MYO3B: variants seen among roughly 807,000 people sequenced by gnomAD.
MYO3B encodes the protein myosin-IIIb.
In MYO3B, 156 loss-of-function variants were observed where a neutral mutation model predicts 174.6. The ratio of observed to expected loss-of-function variants is 0.89; its 90% CI spans 0.78 to 1.02. The LOEUF (loss-of-function observed/expected upper bound fraction) is 1.02, where lower values mean the gene tolerates loss of function less well. Among genes scored for constraint, MYO3B ranks in the 50% least tolerant of loss-of-function variants. The probability of loss-of-function intolerance (pLI) is 0.00; values close to 1 mark genes in which losing one functional copy is unlikely to be tolerated. For synonymous variants in MYO3B, 563 were observed against 569.1 expected (o/e 0.99, Z 0.15); for missense variants, 1,632 against 1,639.4 (o/e 1.00, Z 0.08).
chr2:170,255,678 G>A (rs1169677656), intron 7 of MYO3B, among the ~76,000 whole-genome samples: 2 of 151,974 alleles, frequency 1.3e-5, no homozygotes, highest in African/African-American at 2.4e-5. Flanking sequence ...AAGTCAAAAA[G>A]AAAAACACCA....
intron 7 of MYO3B, among the ~76,000 whole-genome samples, chr2:170,287,610 T>A: frequency 6.6e-6 from 1 of 152,094 alleles, no homozygotes; most frequent in East Asian, 1.9e-4. Flanking sequence ...TTGTTTGAGC[T>A]CCTTATATAT....
chr2:170,336,829 A>T (rs780104625), intron 8 of MYO3B, among the ~76,000 whole-genome samples: 5 of 152,058 alleles, frequency 3.3e-5, no homozygotes, highest in Admixed American at 1.3e-4. Flanking sequence ...TTTCATTTTC[A>T]TTTCAAATGT....
intron 14 of MYO3B, 27 bp from the exon 15 acceptor site, chr2:170,391,493 T>A: frequency 8.6e-7 from 1 of 1,161,404 alleles, no homozygotes; most frequent in Non-Finnish European, 1.2e-6. Context: ...CAGAATATAT[T>A]ATTACTAAAG....
At chr2:170,263,692 A>G (rs2093361729) in intron 7 of MYO3B, among the ~76,000 whole-genome samples, 2 of 152,116 alleles carry the variant, frequency 1.3e-5, no homozygotes, top group South Asian at 4.2e-4. Flanking sequence ...CTCCTATCTC[A>G]GTAAATAGAA....
At chr2:170,297,080 A>G (rs1179716800) in intron 7 of MYO3B, among the ~76,000 whole-genome samples, 3 of 152,190 alleles carry the variant, frequency 2.0e-5, no homozygotes, top group Non-Finnish European at 4.4e-5. Context: ...TCTCCTTCAC[A>G]TATTGAATAA....
rs189722929 is a variant in MYO3B, at chr2:170,325,326, G to A, written c.750-10059G>A. 5.0e-4 allele frequency among the ~76,000 whole-genome samples: 76 copies of A among 152,038 alleles called. No homozygotes were observed. The East Asian group carries it at 7.4e-3, about 15-fold the overall frequency. On this transcript the variant is annotated intron_variant, in intron 7 of 34. Coordinates refer to ENST00000408978, the MANE Select transcript of MYO3B (RefSeq NM_138995.5). ...AGGTTCAAGCAATTCTCCTGCTTCA[G>A]CCTCCCAAGTAGCTGGGATTACAGG...
chr2:170,279,463 TAA>T lies in MYO3B; in HGVS notation c.749+43337_749+43338del, dbSNP rs143714663. On this transcript the variant is annotated intron_variant, in intron 7 of 34. Transcript: ENST00000408978. ...TGTCTGTCTTTATCCTTTGTCCACT[TAA>T]AAAAAAAAACTTTTAGGTTCAGGGG... Among the ~76,000 whole-genome samples, 191 of 148,996 alleles carry T rather than the reference TAA, an allele frequency of 1.3e-3. 3 individuals are homozygous for T. The highest frequency in any genetic ancestry group is 4.5e-3 in the African/African-American group (183 of 40,762).
chr2:170,510,708 G>A (rs1347740759), intron 28 of MYO3B, among the ~76,000 whole-genome samples: 1 of 150,916 alleles, frequency 6.6e-6, no homozygotes, highest in East Asian at 2.0e-4. Flanking sequence ...GTTCCCTTAT[G>A]CCCTTCTTGA....
intron 22 of MYO3B, among the ~76,000 whole-genome samples, chr2:170,412,591 C>G (rs139601870): frequency 0.013 from 2,037 of 152,304 alleles, 66 homozygotes; most frequent in African/African-American, 0.046. Context: ...ATTGTCATAT[C>G]TGTAAAGCAC....
At chr2:170,262,846 G>A (rs949998640) in intron 7 of MYO3B, among the ~76,000 whole-genome samples, 1 of 152,136 alleles carries the variant, frequency 6.6e-6, no homozygotes, top group Admixed American at 6.5e-5. Flanking sequence ...AAGAGCCTTT[G>A]AAGTCTAGGA....
chr2:170,414,250 C>T (rs140662270), intron 22 of MYO3B, among the ~76,000 whole-genome samples: 1,942 of 152,032 alleles, frequency 0.013, 58 homozygotes, highest in African/African-American at 0.044. Context: ...TGCAATGGCG[C>T]GATCTCAGCT....
At chr2:170,556,528 T>G (rs529755541) in intron 32 of MYO3B, among the ~76,000 whole-genome samples, 80 of 149,620 alleles carry the variant, frequency 5.3e-4, no homozygotes, top group Non-Finnish European at 9.8e-4. Context: ...GATTTTTACT[T>G]TTTTTTTTTT....
At chr2:170,583,361 A>T (rs569891440) in intron 32 of MYO3B, among the ~76,000 whole-genome samples, 1 of 152,272 alleles carries the variant, frequency 6.6e-6, no homozygotes, top group South Asian at 2.1e-4. Context: ...GGCCTCGAAG[A>T]ACATGGCATC....
At chr2:170,469,837 T>C (rs1180127064) in intron 25 of MYO3B, among the ~76,000 whole-genome samples, 1 of 152,096 alleles carries the variant, frequency 6.6e-6, no homozygotes, top group African/African-American at 2.4e-5. Context: ...GCACGGTGGC[T>C]CACACCTGTA....
chr2:170,262,344 T>A (rs1399473354), intron 7 of MYO3B, among the ~76,000 whole-genome samples: 2 of 152,212 alleles, frequency 1.3e-5, no homozygotes, highest in East Asian at 3.9e-4. Flanking sequence ...ATGCTGAGCA[T>A]CTTGGTAGCC....
chr2:170,636,600 C>T (rs1253669861), intron 32 of MYO3B, among the ~76,000 whole-genome samples: 1 of 151,972 alleles, frequency 6.6e-6, no homozygotes, highest in African/African-American at 2.4e-5. Context: ...TGAGCGGCCA[C>T]GAGAGCTGGA....
intron 32 of MYO3B, among the ~76,000 whole-genome samples, chr2:170,616,544 G>A (rs887107691): frequency 6.6e-6 from 1 of 152,148 alleles, no homozygotes; most frequent in Admixed American, 6.5e-5. Flanking sequence ...ACAGTTTCAG[G>A]GGGTCTCCTT....
At chr2:170,428,219 C>T (rs2094680649) in intron 22 of MYO3B, among the ~76,000 whole-genome samples, 1 of 152,204 alleles carries the variant, frequency 6.6e-6, no homozygotes, top group African/African-American at 2.4e-5. Flanking sequence ...GTGAAGAGAA[C>T]ATTGGCAAAT....
rs115296721 is a variant in MYO3B, at chr2:170,616,557, A to G, written c.3734-35071A>G. Among the ~76,000 whole-genome samples, 1,020 of 152,280 alleles carry G rather than the reference A, an allele frequency of 6.7e-3. 7 individuals carry two copies. Among genetic ancestry groups the G allele is most frequent in the African/African-American group, 0.023 (953 of 41,552 alleles). On this transcript the variant is annotated intron_variant, in intron 32 of 34. Transcript: ENST00000408978. ...CAACAGTTTCAGGGGGTCTCCTTACATCTCCCCCTTCTCTCTGATTTAAAT... is the reference window on the plus strand; with the variant it reads ...CAACAGTTTCAGGGGGTCTCCTTACGTCTCCCCCTTCTCTCTGATTTAAAT...
Sources: gnomAD v4.1 joint callset for allele counts (sites outside exome capture counted in the v4.1 genomes callset) on GRCh38, gnomAD v4.1.1 for gene constraint, MANE v1.5 for transcripts, NCBI Gene and HGNC (gene_info 2026-07-23, HGNC 2026-07-21) for gene names.